Variants in SPOCK1 observed in about 807,000 individuals in gnomAD.
SPOCK1 encodes the protein testican-1.
In SPOCK1, 23 loss-of-function variants were observed where a neutral mutation model predicts 55.3. The observed-to-expected ratio is 0.42, with a 90% CI of 0.30 to 0.59. SPOCK1 has a LOEUF of 0.59. Ranked by LOEUF, SPOCK1 falls within the 20% of genes least tolerant of loss-of-function variation. The pLI, the probability that SPOCK1 is intolerant of heterozygous loss-of-function variation, is 0.22. For synonymous variants in SPOCK1, 226 were observed against 221.0 expected (o/e 1.02, Z -0.20); for missense variants, 499 against 552.5 (o/e 0.90, Z 0.97).
intron 6 of SPOCK1, among the ~76,000 whole-genome samples, chr5:137,000,652 A>G (rs1212244062): frequency 1.3e-5 from 2 of 152,238 alleles, no homozygotes; most frequent in African/African-American, 4.8e-5. Context: ...CAATTCCCTT[A>G]GGAATGTGGA....
At chr5:137,469,683 C>A (rs73302530) in intron 2 of SPOCK1, among the ~76,000 whole-genome samples, 1 of 152,112 alleles carries the variant, frequency 6.6e-6, no homozygotes, top group African/African-American at 2.4e-5. Flanking sequence ...TTCAGTGCAA[C>A]GTACTTTGGA....
chr5:137,422,750 G>T (rs903411469), intron 2 of SPOCK1, among the ~76,000 whole-genome samples: 3 of 152,190 alleles, frequency 2.0e-5, no homozygotes, highest in African/African-American at 7.2e-5. Context: ...TTAGCTTGGA[G>T]TAGTTTGATC....
chr5:137,346,728 A>G (rs1406180647), intron 2 of SPOCK1, among the ~76,000 whole-genome samples: 2 of 152,350 alleles, frequency 1.3e-5, no homozygotes, highest in African/African-American at 2.4e-5. Flanking sequence ...AGGAGTTTGC[A>G]GCTCAGAAAG....
At chr5:137,198,792 C>G (rs1337886965) in intron 3 of SPOCK1, among the ~76,000 whole-genome samples, 1 of 152,022 alleles carries the variant, frequency 6.6e-6, no homozygotes, top group Non-Finnish European at 1.5e-5. Flanking sequence ...AGATTATTGT[C>G]TTTATGGTTA....
chr5:137,119,787 A>T (rs1753653429), intron 4 of SPOCK1, among the ~76,000 whole-genome samples: 2 of 152,238 alleles, frequency 1.3e-5, no homozygotes, highest in South Asian at 4.1e-4. Flanking sequence ...ACATTTACTG[A>T]GCTGCCTTAT....
chr5:137,346,724 T>C (rs1011025448), intron 2 of SPOCK1, among the ~76,000 whole-genome samples: 1 of 152,202 alleles, frequency 6.6e-6, no homozygotes, highest in South Asian at 2.1e-4. Context: ...AAAAAGGAGT[T>C]TGCAGCTCAG....
At chr5:137,303,765 G>T (rs1055335170) in intron 2 of SPOCK1, among the ~76,000 whole-genome samples, 3 of 152,224 alleles carry the variant, frequency 2.0e-5, no homozygotes, top group Admixed American at 6.5e-5. Context: ...GAGGACAAAG[G>T]CCTGGAGACC....
chr5:137,140,270 G>C (rs997330777), intron 4 of SPOCK1, among the ~76,000 whole-genome samples: 9 of 152,188 alleles, frequency 5.9e-5, no homozygotes, highest in Admixed American at 5.9e-4. Flanking sequence ...CTGGGTCGTG[G>C]CATCACTCTG....
At chr5:137,362,736 C>T (rs1044198882) in intron 2 of SPOCK1, among the ~76,000 whole-genome samples, 1 of 152,178 alleles carries the variant, frequency 6.6e-6, no homozygotes, top group Non-Finnish European at 1.5e-5. Flanking sequence ...ATAGATAATA[C>T]ATGAAAGAAT....
chr5:137,015,819 G>A (rs1320004689), intron 6 of SPOCK1, among the ~76,000 whole-genome samples: 2 of 152,174 alleles, frequency 1.3e-5, no homozygotes, highest in African/African-American at 2.4e-5. Context: ...CCCAGGAAGT[G>A]GCCACAGAAT....
chr5:137,159,855 G>C (rs909618157), intron 3 of SPOCK1, among the ~76,000 whole-genome samples: 1 of 152,044 alleles, frequency 6.6e-6, no homozygotes, highest in Non-Finnish European at 1.5e-5. Flanking sequence ...CTGAAGTCTT[G>C]AGTCCCTTGA....
intron 4 of SPOCK1, among the ~76,000 whole-genome samples, chr5:137,112,846 A>G (rs1753502614): frequency 6.6e-6 from 1 of 151,790 alleles, no homozygotes; most frequent in African/African-American, 2.4e-5. Context: ...CACACAGAAA[A>G]AAAAAGAAAA....
intron 2 of SPOCK1, among the ~76,000 whole-genome samples, chr5:137,399,363 T>TTTGTTGTTGTTG (rs140515377): frequency 5.3e-5 from 8 of 150,948 alleles, no homozygotes; most frequent in Middle Eastern, 6.8e-3. Context: ...CTCTTTATTG[T>TTTGTTGTTGTTG]TTGTTGTTGT....
chr5:137,256,649 GA>G (rs1756639162), intron 3 of SPOCK1, among the ~76,000 whole-genome samples: 1 of 152,066 alleles, frequency 6.6e-6, no homozygotes, highest in Admixed American at 6.5e-5. Flanking sequence ...CTTGTGGGGG[GA>G]ACACATTCAA....
rs899235059 is a variant in SPOCK1 at position 136,984,697 on chromosome 5, C to T, written c.991+443G>A. On this transcript the variant is annotated intron_variant, in intron 9 of 10. Transcript: ENST00000394945. ...GAAATAGGCTTAAGCACATACATGT[C>T]GTTCAACCCTGTTTGATAAATTCTG... 2.0e-5 allele frequency among the ~76,000 whole-genome samples: 3 copies of T among 152,212 alleles called. No homozygotes were observed. The East Asian group carries it at 5.8e-4, about 29-fold the overall frequency.
At chr5:137,001,542 C>A (rs1751149005) in intron 6 of SPOCK1, among the ~76,000 whole-genome samples, 1 of 152,208 alleles carries the variant, frequency 6.6e-6, no homozygotes. Flanking sequence ...CAAGAAAATA[C>A]CTCCTCCACA....
At chr5:137,308,308 T>G (rs1046576696) in intron 2 of SPOCK1, among the ~76,000 whole-genome samples, 1 of 152,262 alleles carries the variant, frequency 6.6e-6, no homozygotes, top group Non-Finnish European at 1.5e-5. Flanking sequence ...GAACAATTCC[T>G]GGCTCTGCCT....
intron 2 of SPOCK1, among the ~76,000 whole-genome samples, chr5:137,475,032 C>T (rs1753808955): frequency 6.8e-6 from 1 of 146,978 alleles, no homozygotes; most frequent in Admixed American, 6.8e-5. Context: ...AAACAGGGTG[C>T]CTTTACACTG....
At chr5:137,430,840 C>A (rs573718402) in intron 2 of SPOCK1, among the ~76,000 whole-genome samples, 15 of 152,322 alleles carry the variant, frequency 9.8e-5, no homozygotes, top group African/African-American at 3.6e-4. Context: ...CCCTTGCTGC[C>A]TTTCACTGCA....
Sources: gnomAD v4.1 joint callset for allele counts (sites outside exome capture counted in the v4.1 genomes callset) on GRCh38, gnomAD v4.1.1 for gene constraint, MANE v1.5 for transcripts, NCBI Gene and HGNC (gene_info 2026-07-23, HGNC 2026-07-21) for gene names.